Variants in FHOD3 observed in about 807,000 individuals in gnomAD.
The protein encoded by FHOD3 is FH1/FH2 domain-containing protein 3.
A neutral mutation model predicts 173.0 loss-of-function variants in FHOD3; 90 were observed. That is an observed-to-expected ratio of 0.52 (90% CI 0.44 to 0.62). The LOEUF is 0.62. Among genes scored for constraint, FHOD3 ranks in the 20% least tolerant of loss-of-function variants. FHOD3 has a pLI of 0.00. For synonymous variants in FHOD3, 828 were observed against 823.0 expected (o/e 1.01, Z -0.10); for missense variants, 1,945 against 2,034.7 (o/e 0.96, Z 0.85).
chr18:36,444,439 A>T lies in FHOD3; in HGVS notation c.338-57493A>T, dbSNP rs537491302. On this transcript the variant is annotated intron_variant, in intron 3 of 28. Transcript: ENST00000590592. ...TTTATTTTTTGAATATGTGAGAAGC[A>T]TAAGCATGGTTTTAGAAATCAGAAT... 5.3e-5 allele frequency among the ~76,000 whole-genome samples: 8 copies of T among 152,256 alleles called. No homozygotes were observed. The East Asian group carries it at 1.5e-3, about 29-fold the overall frequency.
chr18:36,320,728 G>T (rs982646334), intron 1 of FHOD3, among the ~76,000 whole-genome samples: 2 of 152,226 alleles, frequency 1.3e-5, no homozygotes, highest in Non-Finnish European at 2.9e-5. Context: ...TACCTGTCAA[G>T]AAGCAGTGTG....
intron 3 of FHOD3, among the ~76,000 whole-genome samples, chr18:36,481,454 T>C (rs2053891525): frequency 6.6e-6 from 1 of 151,776 alleles, no homozygotes; most frequent in African/African-American, 2.4e-5. Context: ...AGACAACTTT[T>C]TTTTTTTTTT....
intron 5 of FHOD3, among the ~76,000 whole-genome samples, chr18:36,563,081 G>T (rs2058146142): frequency 6.6e-6 from 1 of 152,132 alleles, no homozygotes; most frequent in Admixed American, 6.5e-5. Context: ...GAGTCTTCAT[G>T]GTTGGTGAAA....
intron 22 of FHOD3, among the ~76,000 whole-genome samples, chr18:36,743,108 A>AC (rs1323945893): frequency 0.08 from 13 of 162 alleles, no homozygotes; most frequent in East Asian, 0.41. Context: ...CAGGAGATCG[A>AC]GCCATCCTGG....
intron 3 of FHOD3, among the ~76,000 whole-genome samples, chr18:36,399,983 T>C (rs142658076): frequency 1.4e-3 from 217 of 152,210 alleles, no homozygotes; most frequent in African/African-American, 4.9e-3. Context: ...TGGGTGAAAA[T>C]AAAAATGTAA....
At chr18:36,599,140 G>A (rs765836086) in intron 7 of FHOD3, among the ~76,000 whole-genome samples, 19 of 152,174 alleles carry the variant, frequency 1.2e-4, no homozygotes, top group South Asian at 6.2e-4. Flanking sequence ...TGGTTGACAG[G>A]AAATTGATTG....
At chr18:36,409,215 TCTC>T (rs1035395646) in intron 3 of FHOD3, among the ~76,000 whole-genome samples, 1 of 152,082 alleles carries the variant, frequency 6.6e-6, no homozygotes, top group Admixed American at 6.5e-5. Flanking sequence ...GGCATGCACA[TCTC>T]CTTCAGCACC....
At position 36,297,803 on chromosome 18, in the gene FHOD3, C is replaced by T; in HGVS notation, c.-33C>T. The T allele has an allele frequency of 1.3e-6, 2 of 1,491,228 alleles. No homozygotes were observed. The highest frequency in any genetic ancestry group is 1.8e-6 in the Non-Finnish European group (2 of 1,118,444). 92.4% of individuals were successfully genotyped at this position (1,491,228 alleles called of 1,614,324 possible). A position where few individuals can be genotyped will look rare whatever the true frequency, so the allele number is the denominator to read the frequency against. On this transcript the variant is annotated 5_prime_UTR_variant, in exon 1 of 29. Coordinates refer to ENST00000590592, the MANE Select transcript of FHOD3 (RefSeq NM_001281740.3). Reference sequence around the variant, plus strand: ...GTCCCGGCCCGCGGCCCCGCTAACCCCGGGGCCCGCGCCCCCGCGGCAGGG... The same window carrying T: ...GTCCCGGCCCGCGGCCCCGCTAACCTCGGGGCCCGCGCCCCCGCGGCAGGG...
At chr18:36,331,670 G>T (rs1006675842) in intron 1 of FHOD3, among the ~76,000 whole-genome samples, 6 of 152,184 alleles carry the variant, frequency 3.9e-5, no homozygotes, top group African/African-American at 1.4e-4. Context: ...GAGAAGGTGT[G>T]GTTGGGTGAG....
chr18:36,671,288 C>G (rs1325149839), intron 14 of FHOD3, among the ~76,000 whole-genome samples: 1 of 152,270 alleles, frequency 6.6e-6, no homozygotes, highest in Non-Finnish European at 1.5e-5. Context: ...CCTTTATGCA[C>G]CACAGCCTGC....
At chr18:36,570,285 G>C (rs564840734) in intron 5 of FHOD3, among the ~76,000 whole-genome samples, 1 of 151,980 alleles carries the variant, frequency 6.6e-6, no homozygotes, top group East Asian at 1.9e-4. Context: ...TAGATGAAAT[G>C]GATCAATTCC....
chr18:36,362,949 T>C (rs1038367639), intron 2 of FHOD3, among the ~76,000 whole-genome samples: 5 of 152,100 alleles, frequency 3.3e-5, no homozygotes, highest in Non-Finnish European at 7.4e-5. Flanking sequence ...TAAAATTTAA[T>C]AAGAAAACAA....
intron 27 of FHOD3, 100 bp downstream of exon 27, chr18:36,760,882 C>A: frequency 1.5e-6 from 2 of 1,296,582 alleles, no homozygotes; most frequent in Non-Finnish European, 2.1e-6. Flanking sequence ...CTGTGACTGG[C>A]CCTCGGCTCC....
chr18:36,668,884 T>G (rs1305730023), intron 14 of FHOD3, among the ~76,000 whole-genome samples: 1 of 152,058 alleles, frequency 6.6e-6, no homozygotes, highest in Non-Finnish European at 1.5e-5. Flanking sequence ...TTATTGATAT[T>G]TGTTTTACAG....
At chr18:36,426,596 C>T (rs1020439388) in intron 3 of FHOD3, among the ~76,000 whole-genome samples, 1 of 152,162 alleles carries the variant, frequency 6.6e-6, no homozygotes, top group African/African-American at 2.4e-5. Context: ...AAAGTGCCCA[C>T]ATACATTGAA....
At chr18:36,433,404 A>G (rs552752621) in intron 3 of FHOD3, among the ~76,000 whole-genome samples, 2 of 152,308 alleles carry the variant, frequency 1.3e-5, no homozygotes, top group East Asian at 3.9e-4. Flanking sequence ...TCACTCACTT[A>G]GTACTTTATT....
chr18:36,539,296 T>A (rs1246575393), intron 5 of FHOD3, among the ~76,000 whole-genome samples: 1 of 152,142 alleles, frequency 6.6e-6, no homozygotes, highest in Non-Finnish European at 1.5e-5. Flanking sequence ...ACATAATAAG[T>A]AGGTAGGGGA....
intron 11 of FHOD3, among the ~76,000 whole-genome samples, chr18:36,652,285 A>G (rs1289120594): frequency 2.0e-5 from 3 of 152,146 alleles, no homozygotes; most frequent in Admixed American, 2.0e-4. Context: ...TAAATTCCCA[A>G]AGTCTCTTAC....
chr18:36,558,934 A>G (rs1022038013), intron 5 of FHOD3, among the ~76,000 whole-genome samples: 6 of 152,070 alleles, frequency 3.9e-5, no homozygotes, highest in Non-Finnish European at 5.9e-5. Flanking sequence ...TCATACCCAC[A>G]TTCAGACCCC....
Sources: gnomAD v4.1 joint callset for allele counts (sites outside exome capture counted in the v4.1 genomes callset) on GRCh38, gnomAD v4.1.1 for gene constraint, MANE v1.5 for transcripts, NCBI Gene and HGNC (gene_info 2026-07-23, HGNC 2026-07-21) for gene names.